PHACTR1: variants seen among roughly 807,000 people sequenced by gnomAD.
The protein encoded by PHACTR1 is RPEL repeat containing 1.
In PHACTR1, 16 loss-of-function variants were observed where a neutral mutation model predicts 69.2. That is an observed-to-expected ratio of 0.23 (90% CI 0.16 to 0.35). The LOEUF (loss-of-function observed/expected upper bound fraction) is 0.35. Among genes scored for constraint, PHACTR1 ranks in the 10% least tolerant of loss-of-function variants. The pLI, the probability that PHACTR1 is intolerant of heterozygous loss-of-function variation, is 1.00. For synonymous variants in PHACTR1, 312 were observed against 284.5 expected, an observed-to-expected ratio of 1.10 and a Z score of -0.97; for missense variants, 510 against 734.7, an observed-to-expected ratio of 0.69 and a Z score of 3.54.
At chr6:13,062,941 A>G (rs1807903993) in intron 5 of PHACTR1, among the ~76,000 whole-genome samples, 1 of 152,174 alleles carries the variant, frequency 6.6e-6, no homozygotes, top group South Asian at 2.1e-4. Context: ...GAAAAAATGG[A>G]TGATTTTGAG....
At chr6:12,749,461 T>C in intron 3 of PHACTR1, 183 bp from the exon 4 acceptor site, 1 of 677,366 alleles carries the variant, frequency 1.5e-6, no homozygotes, top group Non-Finnish European at 2.8e-6. Context: ...TTCTCTCCTT[T>C]GCTCTCTTTC....
chr6:13,133,222 C>A (rs1461459763), intron 5 of PHACTR1, among the ~76,000 whole-genome samples: 1 of 44,766 alleles, frequency 2.2e-5, no homozygotes, highest in Non-Finnish European at 4.5e-5. Context: ...CCTCCCCCTC[C>A]CCCTCCCCCT....
At chr6:13,113,451 C>A (rs1265225178) in intron 5 of PHACTR1, among the ~76,000 whole-genome samples, 1 of 152,178 alleles carries the variant, frequency 6.6e-6, no homozygotes, top group Admixed American at 6.5e-5. Flanking sequence ...ACGCACCCTA[C>A]CTCATTCCAT....
At chr6:13,087,036 T>C (rs550322280) in intron 5 of PHACTR1, among the ~76,000 whole-genome samples, 129 of 151,740 alleles carry the variant, frequency 8.5e-4, no homozygotes, top group African/African-American at 2.6e-3. Context: ...TGTTCTTATT[T>C]GCCATTTTTA....
rs531295904 is a variant in PHACTR1 at position 12,965,237 on chromosome 6, C to T, written c.251-88128C>T. On this transcript the variant is annotated intron_variant, in intron 4 of 14. Coordinates refer to ENST00000332995, the MANE Select transcript of PHACTR1 (RefSeq NM_030948.6). ...ACAGAGGGCTGGCTGTACAGTCAAT[C>T]CTCATTTTTCTTGGAGTCTGCTTTT... Among the ~76,000 whole-genome samples the T allele has an allele frequency of 8.3e-4, 126 of 152,232 alleles. 1 individual carries two copies. The highest frequency in any genetic ancestry group is 6.8e-3 in the Middle Eastern group (2 of 294).
chr6:12,824,075 G>T (rs191658782), intron 4 of PHACTR1, among the ~76,000 whole-genome samples: 2 of 152,152 alleles, frequency 1.3e-5, no homozygotes, highest in Non-Finnish European at 1.5e-5. Context: ...GTTCACAGCC[G>T]CTCCCCATCG....
chr6:13,205,691 T>A, intron 7 of PHACTR1, 124 bp from the exon 8 acceptor site: 1 of 876,246 alleles, frequency 1.1e-6, no homozygotes, highest in East Asian at 2.6e-5. Context: ...TGCCTCCAAC[T>A]GACGCATTTT....
At chr6:13,156,653 CT>C (rs1355324001) in intron 5 of PHACTR1, among the ~76,000 whole-genome samples, 1 of 152,210 alleles carries the variant, frequency 6.6e-6, no homozygotes, top group African/African-American at 2.4e-5. Context: ...CTGCATTTCC[CT>C]AGCACATGCT....
At chr6:12,878,444 T>C (rs1782759787) in intron 4 of PHACTR1, among the ~76,000 whole-genome samples, 1 of 152,164 alleles carries the variant, frequency 6.6e-6, no homozygotes, top group Non-Finnish European at 1.5e-5. Context: ...AACATTGAAA[T>C]TGAGTATTTC....
chr6:12,923,721 A>G (rs1389883898), intron 4 of PHACTR1, among the ~76,000 whole-genome samples: 1 of 152,098 alleles, frequency 6.6e-6, no homozygotes, highest in African/African-American at 2.4e-5. Context: ...GAAACCATGC[A>G]TTCTTCACCA....
chr6:13,120,100 C>G (rs1818467844), intron 5 of PHACTR1, among the ~76,000 whole-genome samples: 1 of 152,202 alleles, frequency 6.6e-6, no homozygotes, highest in Non-Finnish European at 1.5e-5. Flanking sequence ...GTGGAGAAAA[C>G]ACCTTCCCTT....
In PHACTR1 at chr6:13,283,008, A is replaced by G. The variant is rs1780631805; in HGVS notation, c.1510-414A>G. 6.6e-6 allele frequency among the ~76,000 whole-genome samples: 1 copy of G among 152,228 alleles called. No individual in the cohort carries two copies. The highest frequency in any genetic ancestry group is 2.4e-5 in the African/African-American group (1 of 41,464). On this transcript the variant is annotated intron_variant, in intron 12 of 14. Coordinates refer to ENST00000332995, the MANE Select transcript of PHACTR1 (RefSeq NM_030948.6). This position sits in a 1 kb window ranked among gnomAD's most constrained non-coding sequence, Gnocchi z 4.7. ...CTGAAATATACACAGATAAAATGAT[A>G]TGATGCCTGTGATTTGTTTCAAAGC...
In PHACTR1 at chr6:13,287,661, C is replaced by A. The variant is rs1205845571; in HGVS notation, c.*583C>A. 9 of 152,950 alleles carry A rather than the reference C, an allele frequency of 5.9e-5. No homozygotes were observed. The South Asian group carries it at 1.4e-3, about 24-fold the overall frequency. 9.5% of individuals were successfully genotyped at this position (152,950 alleles called of 1,614,324 possible). On this transcript the variant is annotated 3_prime_UTR_variant, in exon 15 of 15. Coordinates refer to ENST00000332995, the MANE Select transcript of PHACTR1 (RefSeq NM_030948.6). ...TCCCTCCTTTCAGCCACCACCCACA[C>A]AATGAACAAAAGGGAAGGGCCCATT...
At chr6:13,071,136 A>G (rs980443679) in intron 5 of PHACTR1, among the ~76,000 whole-genome samples, 1 of 152,058 alleles carries the variant, frequency 6.6e-6, no homozygotes, top group Non-Finnish European at 1.5e-5. Context: ...CATGAATGAA[A>G]GAAAGTTGTG....
chr6:12,926,399 T>G (rs890698963), intron 4 of PHACTR1, among the ~76,000 whole-genome samples: 16 of 152,242 alleles, frequency 1.1e-4, no homozygotes, highest in Admixed American at 1.0e-3. Context: ...ATGGCTTCAG[T>G]TCTACCCTGT....
chr6:12,968,534 G>C (rs1376893028), intron 4 of PHACTR1, among the ~76,000 whole-genome samples: 1 of 152,130 alleles, frequency 6.6e-6, no homozygotes, highest in Non-Finnish European at 1.5e-5. Flanking sequence ...ACATTTGCCC[G>C]TTAAACAATA....
At chr6:12,958,548 C>A (rs1272781259) in intron 4 of PHACTR1, among the ~76,000 whole-genome samples, 1 of 152,052 alleles carries the variant, frequency 6.6e-6, no homozygotes, top group Non-Finnish European at 1.5e-5. Context: ...AGGCTTGCTG[C>A]GTGGAGATAG....
chr6:13,146,666 G>T (rs920771525), intron 5 of PHACTR1, among the ~76,000 whole-genome samples: 1 of 152,164 alleles, frequency 6.6e-6, no homozygotes, highest in Non-Finnish European at 1.5e-5. Context: ...ATATTAAGCC[G>T]TTCTGGGCAG....
chr6:12,808,744 T>TTCTTCC (rs1280249045), intron 4 of PHACTR1, among the ~76,000 whole-genome samples: 1 of 145,656 alleles, frequency 6.9e-6, no homozygotes, highest in Admixed American at 6.8e-5. Flanking sequence ...GATTTTTAGT[T>TTCTTCC]TCTTCCTCTT....
Sources: allele counts gnomAD v4.1 joint callset (sites outside exome capture counted in the v4.1 genomes callset), GRCh38; gene constraint gnomAD v4.1.1; non-coding constraint Gnocchi (gnomAD v3.1); transcripts MANE v1.5; gene names NCBI Gene and HGNC (gene_info 2026-07-23, HGNC 2026-07-21).